The following IL4 variants were observed in gnomAD, a reference collection of about 807,000 sequenced individuals.
IL4 encodes interleukin 4, also known as interleukin-4.
In IL4, 10 loss-of-function variants were observed where a neutral mutation model predicts 17.4. That is an observed-to-expected ratio of 0.57 (90% CI 0.35 to 0.97). IL4 has a LOEUF of 0.97. Among genes scored for constraint, IL4 ranks in the 50% least tolerant of loss-of-function variants. The probability of loss-of-function intolerance (pLI) is 0.01; values close to 1 mark genes in which losing one functional copy is unlikely to be tolerated. For synonymous variants in IL4, 87 were observed against 79.0 expected (o/e 1.10, Z -0.54); for missense variants, 174 against 187.7 (o/e 0.93, Z 0.43).
intron 2 of IL4, among the ~76,000 whole-genome samples, chr5:132,677,238 C>T (rs1248156058): frequency 6.6e-6 from 1 of 152,206 alleles, no homozygotes; most frequent in African/African-American, 2.4e-5. Context: ...CGAGTTAGAA[C>T]TCTCACAGAG....
rs576702292 is a variant in IL4 at position 132,680,070 on chromosome 5, G to A, written c.360+180G>A. Among the ~76,000 whole-genome samples, 1 of 152,228 alleles carries A rather than the reference G, an allele frequency of 6.6e-6. No homozygotes were observed. The highest frequency in any genetic ancestry group is 1.9e-4 in the East Asian group (1 of 5,178). On this transcript the variant is annotated intron_variant, in intron 3 of 3. Transcript: ENST00000231449. The surrounding 1 kb of genome is among the most constrained non-coding windows in gnomAD (Gnocchi z 4.3). ...GGGTGTGGTTCTAGGTGCTGAGGACGTGTCACTAAAGACACGCAGGCCGAG... is the reference window on the plus strand; with the variant it reads ...GGGTGTGGTTCTAGGTGCTGAGGACATGTCACTAAAGACACGCAGGCCGAG...
chr5:132,677,649 T>C (rs1395845006), intron 2 of IL4: 1 of 152,188 alleles, frequency 6.6e-6, no homozygotes, highest in Non-Finnish European at 1.5e-5. Context: ...TATGTGGCCA[T>C]ATACGGGTCA....
At chr5:132,675,493 A>G (rs1318614748) in intron 2 of IL4, among the ~76,000 whole-genome samples, 2 of 151,150 alleles carry the variant, frequency 1.3e-5, no homozygotes, top group African/African-American at 4.9e-5. Flanking sequence ...GGACTATCTC[A>G]TTTCATTAGT....
At chr5:132,674,576 T>C (rs1752344907) in intron 2 of IL4, 70 bp downstream of exon 2, 1 of 1,323,092 alleles carries the variant, frequency 7.6e-7, no homozygotes, top group Non-Finnish European at 1.1e-6. Context: ...AACAAGAAAC[T>C]TGTCTAATGG....
In IL4 at chr5:132,679,825, A is replaced by G; in HGVS notation, c.295A>G (p.Arg99Gly). 1.9e-6 allele frequency: 3 copies of G among 1,613,966 alleles called. No homozygotes were observed. Among genetic ancestry groups the G allele is most frequent in the Non-Finnish European group, 2.5e-6 (3 of 1,179,936 alleles). ...CLGATAQQFH[R>G]HKQLIRFLKR... ...GGGTGCGACTGCACAGCAGTTCCAC[A>G]GGCACAAGCAGCTGATCCGATTCCT... Residue 99 changes from arginine to glycine, a missense_variant, in exon 3 of 4, where the codon AGG becomes GGG. Coordinates refer to ENST00000231449, the MANE Select transcript of IL4 (RefSeq NM_000589.4).
At chr5:132,676,170 C>A (rs1172366209) in intron 2 of IL4, among the ~76,000 whole-genome samples, 1 of 152,102 alleles carries the variant, frequency 6.6e-6, no homozygotes. Flanking sequence ...CCCAGCTCTG[C>A]CACTGACTAG....
In IL4 at chr5:132,674,515, C is replaced by A. The variant is rs1299237720; in HGVS notation, c.183+9C>A. ...TCTTTGCTGCCTCCAAGGTAAGAAG[C>A]CGTCCCACGGTCTGTTTTAGCAAAT... On this transcript the variant is annotated intron_variant, in intron 2 of 3. Coordinates refer to ENST00000231449, the MANE Select transcript of IL4 (RefSeq NM_000589.4). 2 of 1,611,598 alleles carry A rather than the reference C, an allele frequency of 1.2e-6. No homozygotes were observed.
chr5:132,678,255 C>A (rs376564598), intron 2 of IL4, among the ~76,000 whole-genome samples: 1 of 152,208 alleles, frequency 6.6e-6, no homozygotes, highest in African/African-American at 2.4e-5. Flanking sequence ...TGCGTTTCTA[C>A]GCAGCTCTCA....
rs760334457 is a variant in IL4 at position 132,680,798 on chromosome 5, G to A, written c.360+908G>A. Among the ~76,000 whole-genome samples the A allele has an allele frequency of 4.3e-4, 66 of 152,204 alleles. No homozygotes were observed. Among genetic ancestry groups the A allele is most frequent in the Non-Finnish European group, 5.0e-4 (34 of 68,038 alleles). ...TGATGGTGGCGTGGACAGAATGGGA[G>A]CAGTTGAGGTGAACAGATTTGGGAT... On this transcript the variant is annotated intron_variant, in intron 3 of 3. Transcript: ENST00000231449. The surrounding 1 kb of genome is among the most constrained non-coding windows in gnomAD (Gnocchi z 4.3).
At chr5:132,675,531 A>C (rs1752359738) in intron 2 of IL4, among the ~76,000 whole-genome samples, 2 of 148,886 alleles carry the variant, frequency 1.3e-5, no homozygotes, top group Non-Finnish European at 3.0e-5. Flanking sequence ...ACAGGATGAG[A>C]TTCTGAAGGG....
chr5:132,679,597 G>A, intron 2 of IL4, 117 bp from the exon 3 acceptor site: 2 of 882,586 alleles, frequency 2.3e-6, no homozygotes, highest in South Asian at 3.2e-5. Flanking sequence ...CAGGTCTGTA[G>A]TTGAGCAAAC....
At chr5:132,681,782 C>A (rs1157676229) in intron 3 of IL4, among the ~76,000 whole-genome samples, 2 of 152,052 alleles carry the variant, frequency 1.3e-5, no homozygotes. Flanking sequence ...GACATGTATC[C>A]CCTCTCTGGG....
At position 132,680,141 on chromosome 5, in the gene IL4, A is replaced by G. The variant is rs116524831; in HGVS notation, c.360+251A>G. Among the ~76,000 whole-genome samples the G allele has an allele frequency of 1.9e-3, 282 of 152,312 alleles. 1 individual carries two copies. Among genetic ancestry groups the G allele is most frequent in the African/African-American group, 6.6e-3 (274 of 41,564 alleles). On this transcript the variant is annotated intron_variant, in intron 3 of 3. Coordinates refer to ENST00000231449, the MANE Select transcript of IL4 (RefSeq NM_000589.4). The surrounding 1 kb of genome is among the most constrained non-coding windows in gnomAD (Gnocchi z 4.3). ...TCTAATGGGAGAGTTAGAAAAACAA[A>G]CATGTAAAATGATGGCCAGCAGTGA...
chr5:132,677,977 A>G (rs887859649), intron 2 of IL4: 1 of 152,228 alleles, frequency 6.6e-6, no homozygotes, highest in African/African-American at 2.4e-5. Context: ...TCAGTTCATT[A>G]AGTAAATGTC....
intron 2 of IL4, among the ~76,000 whole-genome samples, chr5:132,675,479 A>G (rs1752358903): frequency 6.6e-6 from 1 of 152,016 alleles, no homozygotes. Context: ...TCGGGCCTTT[A>G]GCTGGACTAT....
chr5:132,674,356 A>T, intron 1 of IL4, 103 bp from the exon 2 acceptor site: 1 of 1,385,992 alleles, frequency 7.2e-7, no homozygotes, highest in Non-Finnish European at 1.0e-6. Flanking sequence ...GGTTTGTAGG[A>T]AGTTTCCTCA....
Position 132,679,917 on chromosome 5 carries a change from C to G in IL4, c.360+27C>G, listed in dbSNP as rs199669477. Reference sequence around the variant, plus strand: ...TAAGCTGCACTGTATTCCTGGCAAGCCGGCCGCGTGGCTCCTGGTGGACAG... The same window carrying G: ...TAAGCTGCACTGTATTCCTGGCAAGGCGGCCGCGTGGCTCCTGGTGGACAG... On this transcript the variant is annotated intron_variant, in intron 3 of 3. Coordinates refer to ENST00000231449, the MANE Select transcript of IL4 (RefSeq NM_000589.4). 12 of 1,584,956 alleles carry G rather than the reference C, an allele frequency of 7.6e-6. 1 individual carries two copies. The African/African-American group carries it at 8.1e-5, about 11-fold the overall frequency.
rs1752475266 is a variant in IL4 at position 132,680,880 on chromosome 5, T to C, written c.360+990T>C. On this transcript the variant is annotated intron_variant, in intron 3 of 3. Coordinates refer to ENST00000231449, the MANE Select transcript of IL4 (RefSeq NM_000589.4). This position sits in a 1 kb window ranked among gnomAD's most constrained non-coding sequence, Gnocchi z 4.3. ...GACAGATCGGTTGTAGGGGGTAAGA[T>C]ACAGGGGAGGAAAAGATGACCTCTT... 1.3e-5 allele frequency among the ~76,000 whole-genome samples: 2 copies of C among 152,126 alleles called. No individual in the cohort carries two copies. The highest frequency in any genetic ancestry group is 2.1e-4 in the South Asian group (1 of 4,822).
intron 1 of IL4, 38 bp from the exon 2 acceptor site, chr5:132,674,421 A>C: frequency 1.9e-6 from 3 of 1,606,418 alleles, no homozygotes; most frequent in Non-Finnish European, 2.6e-6. Context: ...TTGGAGGTTA[A>C]CTCTGTCTCT....
Sources: gnomAD v4.1 joint callset for allele counts (sites outside exome capture counted in the v4.1 genomes callset) on GRCh38, gnomAD v4.1.1 for gene constraint, Gnocchi (gnomAD v3.1) non-coding constraint, MANE v1.5 for transcripts, NCBI Gene and HGNC (gene_info 2026-07-23, HGNC 2026-07-21) for gene names.